The following LMX1A variants were observed in gnomAD, a reference collection of about 807,000 sequenced individuals.
LMX1A encodes the protein LIM homeobox transcription factor 1-alpha.
A neutral mutation model predicts 49.1 loss-of-function variants in LMX1A; 15 were observed. The observed-to-expected ratio is 0.31, with a 90% CI of 0.20 to 0.47. LMX1A has a LOEUF of 0.47. Ranked by LOEUF, LMX1A falls within the 20% of genes least tolerant of loss-of-function variation. The pLI, the probability that LMX1A is intolerant of heterozygous loss-of-function variation, is 1.00. For missense variants in LMX1A, 372 were observed against 475.8 expected, an observed-to-expected ratio of 0.78 and a Z score of 2.03; for synonymous variants, 167 against 185.7, an observed-to-expected ratio of 0.90 and a Z score of 0.82.
intron 3 of LMX1A, among the ~76,000 whole-genome samples, chr1:165,329,097 C>A (rs990509321): frequency 1.3e-5 from 2 of 152,066 alleles, no homozygotes. Flanking sequence ...CTGGGGAGGC[C>A]TCAGAAAAAT....
intron 3 of LMX1A, among the ~76,000 whole-genome samples, chr1:165,267,249 A>G (rs1653654894): frequency 6.6e-6 from 1 of 152,202 alleles, no homozygotes; most frequent in African/African-American, 2.4e-5. Context: ...ATATAATCAT[A>G]TAATATGTGG....
At chr1:165,264,342 C>T (rs1022405561) in intron 3 of LMX1A, among the ~76,000 whole-genome samples, 4 of 152,030 alleles carry the variant, frequency 2.6e-5, no homozygotes, top group Admixed American at 6.6e-5. Context: ...CACAAAAATC[C>T]CTGTGAAACA....
Position 165,219,296 on chromosome 1 carries a change from A to G in LMX1A, c.497-5483T>C, listed in dbSNP as rs73027282. Among the ~76,000 whole-genome samples the G allele has an allele frequency of 9.2e-3, 1,397 of 152,280 alleles. 13 individuals carry two copies. The highest frequency in any genetic ancestry group is 0.031 in the African/African-American group (1,299 of 41,552). ...GGCAAGAGATATCTGAGCTTGGCCT[A>G]GGAGGCGAGGGTGAGGGAGGGGATG... On this transcript the variant is annotated intron_variant, in intron 4 of 8. Coordinates refer to ENST00000342310, the MANE Select transcript of LMX1A (RefSeq NM_177398.4).
intron 3 of LMX1A, among the ~76,000 whole-genome samples, chr1:165,326,386 C>T (rs922323999): frequency 1.3e-5 from 2 of 152,220 alleles, no homozygotes; most frequent in African/African-American, 4.8e-5. Context: ...ACCGTAACTG[C>T]TTTGCAGACT....
At chr1:165,279,770 G>A (rs191546185) in intron 3 of LMX1A, among the ~76,000 whole-genome samples, 2 of 152,280 alleles carry the variant, frequency 1.3e-5, no homozygotes, top group Admixed American at 6.5e-5. Context: ...TTATATGGCA[G>A]TGTCTCTCCA....
intron 3 of LMX1A, among the ~76,000 whole-genome samples, chr1:165,305,082 G>A (rs1468423188): frequency 1.3e-5 from 2 of 152,178 alleles, no homozygotes; most frequent in African/African-American, 2.4e-5. Flanking sequence ...ATCAAGGAGT[G>A]TGTCTGTCTC....
chr1:165,287,335 C>G (rs1047183805), intron 3 of LMX1A, among the ~76,000 whole-genome samples: 1 of 152,154 alleles, frequency 6.6e-6, no homozygotes, highest in Non-Finnish European at 1.5e-5. Context: ...ACTCTCTCTC[C>G]CTCTATTCCT....
At chr1:165,354,636 T>C (rs1163365606) in intron 2 of LMX1A, among the ~76,000 whole-genome samples, 1 of 152,204 alleles carries the variant, frequency 6.6e-6, no homozygotes, top group African/African-American at 2.4e-5. Context: ...CCAGCAGAAC[T>C]GTCTCATCCT....
Position 165,355,091 on chromosome 1 carries a change from G to A in LMX1A, c.76+393C>T, listed in dbSNP as rs551347500. Reference sequence around the variant, plus strand: ...GGGGGAGAGAAGCCTCCTCGAACTTGGGCGCTCCAGGCCTCGGGTCTCGGA... The same window carrying A: ...GGGGGAGAGAAGCCTCCTCGAACTTAGGCGCTCCAGGCCTCGGGTCTCGGA... On this transcript the variant is annotated intron_variant, in intron 2 of 8. Transcript: ENST00000342310. The surrounding 1 kb of genome is among the most constrained non-coding windows in gnomAD (Gnocchi z 4.7). Among the ~76,000 whole-genome samples, 1 of 152,296 alleles carries A rather than the reference G, an allele frequency of 6.6e-6. No individual in the cohort carries two copies. Among genetic ancestry groups the A allele is most frequent in the Admixed American group, 6.5e-5 (1 of 15,308 alleles).
At chr1:165,206,402 A>G (rs984176476) in intron 7 of LMX1A, among the ~76,000 whole-genome samples, 1 of 152,176 alleles carries the variant, frequency 6.6e-6, no homozygotes, top group Non-Finnish European at 1.5e-5. Context: ...AAGATTCCAT[A>G]GGACTGTGTA....
intron 3 of LMX1A, among the ~76,000 whole-genome samples, chr1:165,268,870 T>C (rs1475736128): frequency 1.3e-5 from 2 of 152,262 alleles, no homozygotes; most frequent in Non-Finnish European, 2.9e-5. Flanking sequence ...AAAATTGTTG[T>C]AAGCCATTGC....
chr1:165,240,412 G>A (rs1652607678), intron 4 of LMX1A, among the ~76,000 whole-genome samples: 1 of 151,758 alleles, frequency 6.6e-6, no homozygotes, highest in African/African-American at 2.4e-5. Flanking sequence ...TTTCCCATCT[G>A]CCAGCTCCTT....
intron 2 of LMX1A, among the ~76,000 whole-genome samples, chr1:165,353,543 C>A (rs1380390237): frequency 1.3e-5 from 2 of 152,156 alleles, no homozygotes; most frequent in Admixed American, 6.5e-5. Flanking sequence ...GGTATGCTCG[C>A]AAACGTCTGC....
At chr1:165,208,835 G>C (rs1349381382) in intron 6 of LMX1A, among the ~76,000 whole-genome samples, 1 of 152,106 alleles carries the variant, frequency 6.6e-6, no homozygotes, top group African/African-American at 2.4e-5. Flanking sequence ...TTTTACTAGA[G>C]ACGGGGTTTC....
chr1:165,331,394 T>C (rs1486184327), intron 3 of LMX1A, among the ~76,000 whole-genome samples: 1 of 152,242 alleles, frequency 6.6e-6, no homozygotes, highest in East Asian at 1.9e-4. Flanking sequence ...ATTAGTCACA[T>C]GTAGTTATTG....
intron 3 of LMX1A, among the ~76,000 whole-genome samples, chr1:165,249,963 G>A (rs1029158213): frequency 4.0e-5 from 6 of 151,638 alleles, no homozygotes; most frequent in Non-Finnish European, 5.9e-5. Flanking sequence ...TATTATCCTC[G>A]GCAAACTAAT....
At chr1:165,286,078 T>C (rs549941929) in intron 3 of LMX1A, among the ~76,000 whole-genome samples, 1 of 152,334 alleles carries the variant, frequency 6.6e-6, no homozygotes, top group East Asian at 1.9e-4. Flanking sequence ...GGCCCCTGTC[T>C]AGAGTCCAGG....
intron 3 of LMX1A, among the ~76,000 whole-genome samples, chr1:165,343,708 C>T (rs1656151130): frequency 6.6e-6 from 1 of 151,950 alleles, no homozygotes; most frequent in Non-Finnish European, 1.5e-5. Context: ...AAAGACAAAG[C>T]GTAAAGAAAA....
At chr1:165,214,682 ATAT>A (rs1333545911) in intron 4 of LMX1A, among the ~76,000 whole-genome samples, 1 of 152,240 alleles carries the variant, frequency 6.6e-6, no homozygotes, top group East Asian at 1.9e-4. Context: ...GTGGTAGAAA[ATAT>A]TATTGTTAAA....
Sources: allele counts gnomAD v4.1 joint callset (sites outside exome capture counted in the v4.1 genomes callset), GRCh38; gene constraint gnomAD v4.1.1; non-coding constraint Gnocchi (gnomAD v3.1); transcripts MANE v1.5; gene names NCBI Gene and HGNC (gene_info 2026-07-23, HGNC 2026-07-21).